The following SORCS1 variants were observed in gnomAD, a reference collection of about 807,000 sequenced individuals.
SORCS1 encodes the protein VPS10 domain-containing receptor SorCS1.
SORCS1 carries 60 observed loss-of-function variants against 146.1 expected under a neutral mutation model. That is an observed-to-expected ratio of 0.41 (90% CI 0.33 to 0.51). SORCS1 has a LOEUF of 0.51. SORCS1 is among the 20% of genes least tolerant of loss of function. The pLI is 0.21. For synonymous variants in SORCS1, 637 were observed against 584.0 expected (o/e 1.09, Z -1.31); for missense variants, 1,352 against 1,487.6 (o/e 0.91, Z 1.50).
intron 1 of SORCS1, among the ~76,000 whole-genome samples, chr10:107,010,399 G>C (rs1957646431): frequency 6.6e-6 from 1 of 151,226 alleles, no homozygotes; most frequent in Non-Finnish European, 1.5e-5. Flanking sequence ...ACTGAGTTGA[G>C]GCCTAGTTAC....
At chr10:106,610,518 G>A (rs1313849584) in intron 22 of SORCS1, among the ~76,000 whole-genome samples, 2 of 152,162 alleles carry the variant, frequency 1.3e-5, no homozygotes, top group East Asian at 3.9e-4. Context: ...AATGAAGACA[G>A]GGAAGACCAG....
At chr10:106,852,179 T>C (rs1474610564) in intron 2 of SORCS1, among the ~76,000 whole-genome samples, 1 of 152,174 alleles carries the variant, frequency 6.6e-6, no homozygotes, top group Admixed American at 6.6e-5. Context: ...TATTACCTTT[T>C]CTTGTCTTAT....
intron 15 of SORCS1, among the ~76,000 whole-genome samples, chr10:106,672,632 C>G (rs1851693283): frequency 6.6e-6 from 1 of 152,108 alleles, no homozygotes; most frequent in Non-Finnish European, 1.5e-5. Context: ...TAAGCCTAAG[C>G]CAAGCACATT....
intron 1 of SORCS1, among the ~76,000 whole-genome samples, chr10:107,113,110 A>G (rs1965802831): frequency 6.6e-6 from 1 of 152,202 alleles, no homozygotes; most frequent in Admixed American, 6.5e-5. Context: ...TTGGGCCACA[A>G]AACAATTCTT....
chr10:106,733,482 C>T (rs911067651), intron 5 of SORCS1, among the ~76,000 whole-genome samples: 2 of 152,176 alleles, frequency 1.3e-5, no homozygotes, highest in African/African-American at 4.8e-5. Flanking sequence ...ACGGTCCTGT[C>T]ATTGACCAGA....
chr10:107,022,231 T>C (rs1564936395), intron 1 of SORCS1, among the ~76,000 whole-genome samples: 3 of 152,156 alleles, frequency 2.0e-5, no homozygotes, highest in Admixed American at 1.3e-4. Context: ...GATGTTCATT[T>C]CTTCCAAAGA....
intron 3 of SORCS1, among the ~76,000 whole-genome samples, chr10:106,812,586 G>C (rs1191989871): frequency 1.3e-5 from 2 of 152,064 alleles, no homozygotes; most frequent in African/African-American, 2.4e-5. Flanking sequence ...AGTTCTATTA[G>C]TTTCTTTTAT....
At chr10:106,988,910 A>G (rs924240882) in intron 1 of SORCS1, among the ~76,000 whole-genome samples, 1 of 152,058 alleles carries the variant, frequency 6.6e-6, no homozygotes, top group Admixed American at 6.6e-5. Context: ...CTGATGAGAC[A>G]AGGATCAAAC....
At chr10:106,878,798 A>G (rs1950703026) in intron 2 of SORCS1, among the ~76,000 whole-genome samples, 2 of 150,900 alleles carry the variant, frequency 1.3e-5, no homozygotes, top group Admixed American at 6.6e-5. Context: ...TTTTTTACAT[A>G]TACTAATGTT....
intron 2 of SORCS1, among the ~76,000 whole-genome samples, chr10:106,905,773 TG>T (rs1198725629): frequency 1.3e-5 from 2 of 152,208 alleles, no homozygotes; most frequent in Non-Finnish European, 2.9e-5. Flanking sequence ...CAAGTGTGCC[TG>T]TATGCATTTG....
chr10:106,909,486 C>T (rs929423410), intron 2 of SORCS1, among the ~76,000 whole-genome samples: 1 of 152,170 alleles, frequency 6.6e-6, no homozygotes, highest in African/African-American at 2.4e-5. Flanking sequence ...TCTTTGCCCC[C>T]AGACCATGCA....
At chr10:106,771,454 C>A (rs1282168077) in intron 4 of SORCS1, among the ~76,000 whole-genome samples, 1 of 152,164 alleles carries the variant, frequency 6.6e-6, no homozygotes, top group South Asian at 2.1e-4. Flanking sequence ...TGTATTGAGG[C>A]AAGAAAGTCA....
intron 2 of SORCS1, among the ~76,000 whole-genome samples, chr10:106,864,189 A>C (rs1589583124): frequency 6.6e-6 from 1 of 152,198 alleles, no homozygotes; most frequent in Non-Finnish European, 1.5e-5. Flanking sequence ...TACATATTCA[A>C]CTGAAACAAC....
chr10:106,749,852 T>C (rs1474152379), intron 5 of SORCS1, among the ~76,000 whole-genome samples: 1 of 152,182 alleles, frequency 6.6e-6, no homozygotes, highest in African/African-American at 2.4e-5. Flanking sequence ...GATACTCTTA[T>C]GAGGACCATT....
intron 3 of SORCS1, among the ~76,000 whole-genome samples, chr10:106,816,814 G>A (rs923038764): frequency 2.0e-5 from 3 of 152,104 alleles, no homozygotes; most frequent in Admixed American, 6.6e-5. Flanking sequence ...AATGGGCATC[G>A]AGCCAGAATT....
At chr10:107,151,130 T>G (rs1461435283) in intron 1 of SORCS1, among the ~76,000 whole-genome samples, 1 of 152,086 alleles carries the variant, frequency 6.6e-6, no homozygotes, top group Non-Finnish European at 1.5e-5. Flanking sequence ...TTCTAGAGAA[T>G]TGGAAGGCTC....
At chr10:106,701,214 A>G (rs1477478820) in intron 8 of SORCS1, among the ~76,000 whole-genome samples, 1 of 152,202 alleles carries the variant, frequency 6.6e-6, no homozygotes, top group Admixed American at 6.5e-5. Context: ...CTGATGCAGA[A>G]CCTGAGGAGA....
chr10:106,592,129 C>T (rs1010428409), intron 24 of SORCS1, among the ~76,000 whole-genome samples: 3 of 152,200 alleles, frequency 2.0e-5, no homozygotes, highest in African/African-American at 7.2e-5. Flanking sequence ...TCTCATTCTC[C>T]CTTATTCTCA....
At chr10:106,995,976 C>T (rs375849987) in intron 1 of SORCS1, among the ~76,000 whole-genome samples, 19 of 152,106 alleles carry the variant, frequency 1.2e-4, no homozygotes, top group South Asian at 1.2e-3. Context: ...CACCTGTAAT[C>T]GCAGCACTTT....
Sources: allele counts gnomAD v4.1 joint callset (sites outside exome capture counted in the v4.1 genomes callset), GRCh38; gene constraint gnomAD v4.1.1; transcripts MANE v1.5; gene names NCBI Gene and HGNC (gene_info 2026-07-23, HGNC 2026-07-21).